Variants in HDAC1 observed in about 807,000 individuals in gnomAD.
HDAC1 encodes the protein protein deacetylase HDAC1.
HDAC1 carries 18 observed loss-of-function variants against 65.5 expected under a neutral mutation model. That is an observed-to-expected ratio of 0.27 (90% CI 0.19 to 0.41). The LOEUF is 0.41. Among genes scored for constraint, HDAC1 ranks in the 10% least tolerant of loss-of-function variants. The pLI is 1.00. For missense variants in HDAC1, 373 were observed against 625.2 expected (o/e 0.60, Z 4.30); for synonymous variants, 211 against 227.9 (o/e 0.93, Z 0.67).
At chr1:32,320,927 A>G (rs549868826) in intron 3 of HDAC1, among the ~76,000 whole-genome samples, 1 of 145,034 alleles carries the variant, frequency 6.9e-6, no homozygotes. Context: ...AAAAAAACAG[A>G]AAAAGAAAAA....
At chr1:32,301,647 G>C (rs940459958) in intron 1 of HDAC1, among the ~76,000 whole-genome samples, 3 of 151,818 alleles carry the variant, frequency 2.0e-5, no homozygotes, top group Non-Finnish European at 4.4e-5. Context: ...GCACATGCCT[G>C]TGATGCCAGC....
intron 3 of HDAC1, among the ~76,000 whole-genome samples, chr1:32,324,100 T>TG (rs1557609953): frequency 7.6e-6 from 1 of 132,334 alleles, no homozygotes. Flanking sequence ...GCTCTGTCTC[T>TG]AAAAAAAAAA....
Position 32,327,475 on chromosome 1 carries a change from C to A in HDAC1, c.495-61C>A. On this transcript the variant is annotated intron_variant, in intron 5 of 13. Coordinates refer to ENST00000373548, the MANE Select transcript of HDAC1 (RefSeq NM_004964.3). The surrounding 1 kb of genome is among the most constrained non-coding windows in gnomAD (Gnocchi z 6.0). Reference sequence around the variant, plus strand: ...GCCAGCCCGGTAAGCTGGGAGCTAGCGCCCTTGGCACGTCCCATCCCCAAA... The same window carrying A: ...GCCAGCCCGGTAAGCTGGGAGCTAGAGCCCTTGGCACGTCCCATCCCCAAA... The A allele has an allele frequency of 7.8e-7, 1 of 1,287,108 alleles. No individual in the cohort carries two copies. Among genetic ancestry groups the A allele is most frequent in the South Asian group, 1.2e-5 (1 of 81,836 alleles). 79.7% of individuals were successfully genotyped at this position (1,287,108 alleles called of 1,614,324 possible). A position where few individuals can be genotyped will look rare whatever the true frequency, so the allele number is the denominator to read the frequency against.
intron 12 of HDAC1, 97 bp downstream of exon 12, chr1:32,332,339 C>T: frequency 8.7e-7 from 1 of 1,143,570 alleles, no homozygotes; most frequent in South Asian, 1.5e-5. Context: ...CCTGCCAGCT[C>T]CTGTGGGGCT....
Position 32,330,491 on chromosome 1 carries a change from G to C in HDAC1, c.730-87G>C. 1 of 860,458 alleles carries C rather than the reference G, an allele frequency of 1.2e-6. No individual in the cohort carries two copies. The highest frequency in any genetic ancestry group is 2.0e-6 in the Non-Finnish European group (1 of 500,802). 53.3% of individuals were successfully genotyped at this position (860,458 alleles called of 1,614,324 possible). A position where few individuals can be genotyped will look rare whatever the true frequency, so the allele number is the denominator to read the frequency against. On this transcript the variant is annotated intron_variant, in intron 7 of 13. Coordinates refer to ENST00000373548, the MANE Select transcript of HDAC1 (RefSeq NM_004964.3). This position sits in a 1 kb window ranked among gnomAD's most constrained non-coding sequence, Gnocchi z 4.2. Reference sequence around the variant, plus strand: ...GAGGGAGAGTGGAAAGGTAGGAGTGGGTGGGAAAGTGTTGCACCCAGCCTT... The same window carrying C: ...GAGGGAGAGTGGAAAGGTAGGAGTGCGTGGGAAAGTGTTGCACCCAGCCTT...
intron 1 of HDAC1, among the ~76,000 whole-genome samples, chr1:32,299,567 G>A (rs1640817180): frequency 1.3e-5 from 2 of 152,202 alleles, no homozygotes; most frequent in Non-Finnish European, 2.9e-5. Context: ...TGATAGGCAA[G>A]GGAGTTGCTA....
Position 32,332,089 on chromosome 1 carries a change from GTC to G in HDAC1, c.1221_1222del (p.Ile407MetfsTer4). 6.3e-7 allele frequency: 1 copy of G among 1,593,216 alleles called. No homozygotes were observed. Among genetic ancestry groups the G allele is most frequent in the Non-Finnish European group, 8.5e-7 (1 of 1,170,530 alleles). On this transcript the variant is annotated frameshift_variant and splice_region_variant, in exon 12 of 14. Transcript: ENST00000373548. LOFTEE classifies it high-confidence loss of function. ...CACCCATGCTTCCCACTCCCTCCCAGTCTGCTCCTCTGACAAACGAATTGCCT... is the reference window on the plus strand; with the variant it reads ...CACCCATGCTTCCCACTCCCTCCCAGTGCTCCTCTGACAAACGAATTGCCT... ...DEDDPDKRIS[I>X]CSSDKRIACE...
At chr1:32,319,090 G>A (rs547901378) in intron 3 of HDAC1, among the ~76,000 whole-genome samples, 11 of 152,084 alleles carry the variant, frequency 7.2e-5, no homozygotes, top group Non-Finnish European at 1.6e-4. Flanking sequence ...CTGCACTCCA[G>A]CCTGGGCGAC....
At chr1:32,303,582 C>T (rs1020630251) in intron 2 of HDAC1, among the ~76,000 whole-genome samples, 1 of 152,170 alleles carries the variant, frequency 6.6e-6, no homozygotes, top group Non-Finnish European at 1.5e-5. Flanking sequence ...CCTGTAGATT[C>T]AGCTACAGGT....
At chr1:32,320,831 C>T (rs1641129283) in intron 3 of HDAC1, among the ~76,000 whole-genome samples, 1 of 129,288 alleles carries the variant, frequency 7.7e-6, no homozygotes, top group East Asian at 2.3e-4. Flanking sequence ...ACCTGGAGGG[C>T]AGAGGTTGCA....
At chr1:32,294,854 T>A (rs1640747307) in intron 1 of HDAC1, among the ~76,000 whole-genome samples, 1 of 146,704 alleles carries the variant, frequency 6.8e-6, no homozygotes, top group Non-Finnish European at 1.5e-5. Flanking sequence ...AGAGATGGGG[T>A]CTCAATATGT....
At chr1:32,297,357 C>T (rs1482189359) in intron 1 of HDAC1, among the ~76,000 whole-genome samples, 1 of 152,078 alleles carries the variant, frequency 6.6e-6, no homozygotes, top group Admixed American at 6.6e-5. Flanking sequence ...GCCTGGGCAA[C>T]AAAATGAGAC....
chr1:32,314,394 C>T (rs1326451138), intron 2 of HDAC1, among the ~76,000 whole-genome samples: 1 of 151,976 alleles, frequency 6.6e-6, no homozygotes, highest in African/African-American at 2.4e-5. Flanking sequence ...GGTTTCACCA[C>T]GTTGCCCAGG....
rs1279242058 is a variant in HDAC1, at chr1:32,330,521, C to A, written c.730-57C>A. Reference sequence around the variant, plus strand: ...GAAAGTGTTGCACCCAGCCTTTCCACTCCAAACCTCGTATTGCTTTCTTGA... The same window carrying A: ...GAAAGTGTTGCACCCAGCCTTTCCAATCCAAACCTCGTATTGCTTTCTTGA... On this transcript the variant is annotated intron_variant, in intron 7 of 13. Transcript: ENST00000373548. This position sits in a 1 kb window ranked among gnomAD's most constrained non-coding sequence, Gnocchi z 4.2. The A allele has an allele frequency of 2.4e-6, 3 of 1,256,904 alleles. No individual in the cohort carries two copies. Among genetic ancestry groups the A allele is most frequent in the Non-Finnish European group, 3.5e-6 (3 of 855,686 alleles). The allele number at this position is 1,256,904 out of a possible 1,614,324, so 77.9% of individuals were successfully genotyped here.
At chr1:32,316,481 T>C (rs2148065129) in intron 2 of HDAC1, among the ~76,000 whole-genome samples, 184 bp from the exon 3 acceptor site, 1 of 152,332 alleles carries the variant, frequency 6.6e-6, no homozygotes, top group South Asian at 2.1e-4. Flanking sequence ...CTCTGTCTCC[T>C]TTGATAATCT....
In HDAC1 at chr1:32,333,393, C is replaced by A. The variant is rs908109910; in HGVS notation, c.*349C>A. ...TTATTGAACATTCTAGAAGGGGTGG[C>A]TGGGTCTTCAAGGATCTCCTGTTTT... On this transcript the variant is annotated 3_prime_UTR_variant, in exon 14 of 14. Transcript: ENST00000373548. 1.3e-4 allele frequency: 22 copies of A among 171,754 alleles called. No homozygotes were observed. Among genetic ancestry groups the A allele is most frequent in the Non-Finnish European group, 9.9e-5 (8 of 80,954 alleles). 10.6% of individuals were successfully genotyped at this position (171,754 alleles called of 1,614,324 possible).
chr1:32,330,538 C>A lies in HDAC1; in HGVS notation c.730-40C>A. On this transcript the variant is annotated intron_variant, in intron 7 of 13. Transcript: ENST00000373548. The surrounding 1 kb of genome is among the most constrained non-coding windows in gnomAD (Gnocchi z 4.2). The stretch of plus-strand genomic sequence containing the variant: ...CCTTTCCACTCCAAACCTCGTATTG[C>A]TTTCTTGAGGTTGGTGGTGACCAGG... The A allele has an allele frequency of 7.1e-7, 1 of 1,412,850 alleles. No individual in the cohort carries two copies. The highest frequency in any genetic ancestry group is 1.0e-6 in the Non-Finnish European group (1 of 996,840). The allele number at this position is 1,412,850 out of a possible 1,614,324, so 87.5% of individuals were successfully genotyped here.
intron 2 of HDAC1, among the ~76,000 whole-genome samples, chr1:32,310,277 G>A (rs185812426): frequency 5.3e-5 from 8 of 152,312 alleles, no homozygotes; most frequent in Non-Finnish European, 1.0e-4. Flanking sequence ...AAAATATTTA[G>A]GTGAGTGTAA....
chr1:32,307,712 G>A (rs1640930360), intron 2 of HDAC1, among the ~76,000 whole-genome samples: 1 of 152,188 alleles, frequency 6.6e-6, no homozygotes, highest in Non-Finnish European at 1.5e-5. Context: ...CAAAACTGAG[G>A]ATAAGAGGGC....
Sources: allele counts gnomAD v4.1 joint callset (sites outside exome capture counted in the v4.1 genomes callset), GRCh38; gene constraint gnomAD v4.1.1; non-coding constraint Gnocchi (gnomAD v3.1); transcripts MANE v1.5; gene names NCBI Gene and HGNC (gene_info 2026-07-23, HGNC 2026-07-21).